The following INPP5F variants were observed in gnomAD, a reference collection of about 807,000 sequenced individuals.
INPP5F encodes the protein inositol polyphosphate-5-phosphatase F.
A neutral mutation model predicts 137.2 loss-of-function variants in INPP5F; 97 were observed. The ratio of observed to expected loss-of-function variants is 0.71; its 90% CI spans 0.60 to 0.84. INPP5F has a LOEUF of 0.84. Among genes scored for constraint, INPP5F ranks in the 40% least tolerant of loss-of-function variants. INPP5F has a pLI of 0.00. For synonymous variants in INPP5F, 504 were observed against 476.9 expected (o/e 1.06, Z -0.74); for missense variants, 1,271 against 1,371.9 (o/e 0.93, Z 1.16).
At chr10:119,771,843 GAGATATATATATATATAT>G (rs1389012008) in intron 2 of INPP5F, among the ~76,000 whole-genome samples, 4 of 40,868 alleles carry the variant, frequency 9.8e-5, no homozygotes, top group Non-Finnish European at 1.3e-4. Context: ...ATAAAGTATG[GAGATATATATATATATAT>G]ATATATATAT....
chr10:119,773,951 C>A (rs925468383), intron 2 of INPP5F, among the ~76,000 whole-genome samples: 1 of 152,134 alleles, frequency 6.6e-6, no homozygotes, highest in African/African-American at 2.4e-5. Flanking sequence ...TTTAGTCTTT[C>A]AAGTGAAATT....
chr10:119,797,954 T>A (rs1339282765), intron 8 of INPP5F, among the ~76,000 whole-genome samples: 2 of 152,220 alleles, frequency 1.3e-5, no homozygotes, highest in Non-Finnish European at 2.9e-5. Context: ...TAGCCAATAT[T>A]TGTAGAAGCA....
chr10:119,765,865 C>CTATATATATATATATATATA (rs551639582), intron 2 of INPP5F, among the ~76,000 whole-genome samples: 2 of 29,864 alleles, frequency 6.7e-5, no homozygotes, highest in African/African-American at 1.4e-4. Flanking sequence ...ACACTATATA[C>CTATATATATATATATATATA]TATATATATA....
At chr10:119,743,094 C>T (rs1848424517) in intron 1 of INPP5F, among the ~76,000 whole-genome samples, 1 of 152,206 alleles carries the variant, frequency 6.6e-6, no homozygotes, top group African/African-American at 2.4e-5. Flanking sequence ...TTACCTATGC[C>T]AGCTTTAATG....
chr10:119,750,120 A>T (rs1431281185), intron 1 of INPP5F, among the ~76,000 whole-genome samples: 2 of 152,262 alleles, frequency 1.3e-5, no homozygotes, highest in Non-Finnish European at 2.9e-5. Context: ...TAACAAAGAC[A>T]TTCAAGATGC....
rs779786929 is a variant in INPP5F, at chr10:119,826,997, C to T, written c.2616C>T (p.Asp872=). 6.2e-7 allele frequency: 1 copy of T among 1,614,116 alleles called. No homozygotes were observed. The highest frequency in any genetic ancestry group is 8.5e-7 in the Non-Finnish European group (1 of 1,179,976). Residue 872 remains aspartate (D), a synonymous_variant, in exon 20 of 20, where the codon GAC becomes GAT. Coordinates refer to ENST00000650623, the MANE Select transcript of INPP5F (RefSeq NM_014937.4). ...TTACAAATTCTAAGTCTGATGAAGA[C>T]AGGCAGCTAGCTAACTCATTAGAGA... is the stretch of plus-strand genomic sequence containing the variant. ...EFLTNSKSDE[D]RQLANSLESV... is the part of the protein sequence containing the mutation.
chr10:119,735,057 A>T (rs1172887318), intron 1 of INPP5F, among the ~76,000 whole-genome samples: 2 of 152,238 alleles, frequency 1.3e-5, no homozygotes, highest in Admixed American at 6.5e-5. Flanking sequence ...TAAAGTGAGG[A>T]TAAACACTGA....
At chr10:119,756,389 A>G (rs1848843143) in intron 2 of INPP5F, among the ~76,000 whole-genome samples, 1 of 152,042 alleles carries the variant, frequency 6.6e-6, no homozygotes, top group Non-Finnish European at 1.5e-5. Flanking sequence ...TAATCCCAGC[A>G]CTTTGGGAGG....
At chr10:119,806,245 C>A in intron 11 of INPP5F, 115 bp from the exon 12 acceptor site, 2 of 658,118 alleles carry the variant, frequency 3.0e-6, no homozygotes, top group South Asian at 2.7e-5. Flanking sequence ...TATAAAGATA[C>A]ACCAAGCAAA....
At chr10:119,788,924 T>C (rs1850025144) in intron 3 of INPP5F, among the ~76,000 whole-genome samples, 1 of 152,148 alleles carries the variant, frequency 6.6e-6, no homozygotes, top group Non-Finnish European at 1.5e-5. Flanking sequence ...GCTTGAGTGC[T>C]CTTAAAGAAT....
intron 11 of INPP5F, among the ~76,000 whole-genome samples, 153 bp downstream of exon 11, chr10:119,805,614 C>A (rs1259582781): frequency 6.6e-6 from 1 of 152,070 alleles, no homozygotes; most frequent in East Asian, 1.9e-4. Flanking sequence ...TGTTGCTGAC[C>A]CTTAGGCAGG....
intron 1 of INPP5F, among the ~76,000 whole-genome samples, chr10:119,740,581 C>T (rs543292257): frequency 3.3e-5 from 5 of 152,044 alleles, no homozygotes; most frequent in South Asian, 2.1e-4. Context: ...TTCACTCTTT[C>T]GCCCAGGCTG....
At chr10:119,736,616 T>C (rs1487211395) in intron 1 of INPP5F, among the ~76,000 whole-genome samples, 1 of 152,230 alleles carries the variant, frequency 6.6e-6, no homozygotes, top group African/African-American at 2.4e-5. Context: ...ATGAAAGTCC[T>C]TTTGTTTAGT....
At chr10:119,825,355 ACT>A (rs896802310) in intron 19 of INPP5F, among the ~76,000 whole-genome samples, 68 of 151,900 alleles carry the variant, frequency 4.5e-4, no homozygotes, top group Non-Finnish European at 8.4e-4. Context: ...TTCAAGAAAA[ACT>A]CTGAAGACCC....
Position 119,811,946 on chromosome 10 carries a change from G to A in INPP5F, c.1877G>A (p.Cys626Tyr), listed in dbSNP as rs1851052292. The A allele has an allele frequency of 1.2e-6, 2 of 1,613,804 alleles. No individual in the cohort carries two copies. The highest frequency in any genetic ancestry group is 1.7e-6 in the Non-Finnish European group (2 of 1,179,704). ...KFHGGWALID[C>Y]DPSLIDATHR... ...CATGGGGGCTGGGCCCTCATTGACTGTGACCCTAGGTGAGTTGGAGTGGTG... is the reference window on the plus strand; with the variant it reads ...CATGGGGGCTGGGCCCTCATTGACTATGACCCTAGGTGAGTTGGAGTGGTG... Residue 626 changes from cysteine (C) to tyrosine (Y), a missense_variant, in exon 15 of 20, where the codon TGT becomes TAT. Cys to Tyr is a radical substitution (Grantham distance 194). Coordinates refer to ENST00000650623, the MANE Select transcript of INPP5F (RefSeq NM_014937.4).
chr10:119,771,882 A>ATT (rs544724525), intron 2 of INPP5F, among the ~76,000 whole-genome samples: 3 of 24,166 alleles, frequency 1.2e-4, no homozygotes, highest in Admixed American at 8.2e-4. Context: ...ATATATATAT[A>ATT]TTTTTTTTTT....
In INPP5F at chr10:119,748,341, G is replaced by T. The variant is rs1038664830; in HGVS notation, c.98-2735G>T. Among the ~76,000 whole-genome samples the T allele has an allele frequency of 1.3e-5, 2 of 152,216 alleles. No individual in the cohort carries two copies. Among genetic ancestry groups the T allele is most frequent in the Non-Finnish European group, 2.9e-5 (2 of 68,030 alleles). ...AGCCCCACTGTCACAGCCCTGGCTC[G>T]GAGAGCCCCTAGGTCTGGTGTTCCC... is the stretch of plus-strand genomic sequence containing the variant. On this transcript the variant is annotated intron_variant, in intron 1 of 19. Coordinates refer to ENST00000650623, the MANE Select transcript of INPP5F (RefSeq NM_014937.4). This position sits in a 1 kb window ranked among gnomAD's most constrained non-coding sequence, Gnocchi z 4.7.
chr10:119,740,621 C>T (rs576672225), intron 1 of INPP5F, among the ~76,000 whole-genome samples: 14 of 152,268 alleles, frequency 9.2e-5, no homozygotes, highest in Admixed American at 3.9e-4. Context: ...TGGCTCACTG[C>T]AACCTCCGCC....
intron 13 of INPP5F, among the ~76,000 whole-genome samples, chr10:119,808,672 G>A (rs1210551953): frequency 6.6e-6 from 1 of 152,188 alleles, no homozygotes; most frequent in Non-Finnish European, 1.5e-5. Flanking sequence ...AGTCCTCATA[G>A]AATATTAAGT....
Sources: allele counts gnomAD v4.1 joint callset (sites outside exome capture counted in the v4.1 genomes callset), GRCh38; gene constraint gnomAD v4.1.1; non-coding constraint Gnocchi (gnomAD v3.1); transcripts MANE v1.5; gene names NCBI Gene and HGNC (gene_info 2026-07-23, HGNC 2026-07-21).